ROR1: variants seen among roughly 807,000 people sequenced by gnomAD.
ROR1 encodes the protein ROR family WNT receptor 1, also known as inactive tyrosine-protein kinase transmembrane receptor ROR1.
In ROR1, 19 loss-of-function variants were observed where a neutral mutation model predicts 78.8. That is an observed-to-expected ratio of 0.24 (90% CI 0.17 to 0.35). The LOEUF (loss-of-function observed/expected upper bound fraction) is 0.35. Among genes scored for constraint, ROR1 ranks in the 10% least tolerant of loss-of-function variants. ROR1 has a pLI of 1.00. For synonymous variants in ROR1, 386 were observed against 433.6 expected (o/e 0.89, Z 1.36); for missense variants, 917 against 1,177.8 (o/e 0.78, Z 3.24).
At chr1:64,070,213 A>T (rs1414991686) in intron 4 of ROR1, among the ~76,000 whole-genome samples, 1 of 152,094 alleles carries the variant, frequency 6.6e-6, no homozygotes, top group Non-Finnish European at 1.5e-5. Flanking sequence ...CCATGTTGTG[A>T]CCTGTGTCTT....
chr1:64,175,998 T>C (rs75978935), intron 8 of ROR1, among the ~76,000 whole-genome samples: 3,153 of 152,324 alleles, frequency 0.021, 59 homozygotes, highest in Non-Finnish European at 0.031. Flanking sequence ...ATCAGTTGTA[T>C]GTAAAATGCA....
intron 4 of ROR1, among the ~76,000 whole-genome samples, chr1:64,118,242 A>G (rs1421661122): frequency 2.0e-5 from 3 of 152,186 alleles, no homozygotes; most frequent in African/African-American, 7.2e-5. Flanking sequence ...GCAAGATCCC[A>G]TTCAGTTTAT....
Position 64,049,791 on chromosome 1 carries a change from C to A in ROR1, c.264C>A (p.Thr88=). Residue 88 remains threonine, a synonymous_variant, in exon 3 of 9, where the codon ACC becomes ACA. Transcript: ENST00000371079. The stretch of plus-strand genomic sequence containing the variant: ...AAGTCTCTGGGAATCCACCTCCCAC[C>A]ATCCGCTGGTTCAAAAATGATGCTC... ...HCKVSGNPPP[T]IRWFKNDAPV... is the part of the protein sequence containing the mutation. 6.2e-7 allele frequency: 1 copy of A among 1,614,230 alleles called. No individual in the cohort carries two copies. Among genetic ancestry groups the A allele is most frequent in the African/African-American group, 1.3e-5 (1 of 75,064 alleles).
At chr1:63,851,612 C>T (rs1018070059) in intron 1 of ROR1, among the ~76,000 whole-genome samples, 1 of 152,152 alleles carries the variant, frequency 6.6e-6, no homozygotes, top group Non-Finnish European at 1.5e-5. Flanking sequence ...GGTGATTATT[C>T]CCCTCATTGC....
intron 1 of ROR1, among the ~76,000 whole-genome samples, chr1:63,791,217 G>T (rs1031143929): frequency 1.3e-5 from 2 of 152,150 alleles, no homozygotes; most frequent in African/African-American, 2.4e-5. Context: ...CTTGTGGGCA[G>T]CGTGAAAACA....
intron 7 of ROR1, among the ~76,000 whole-genome samples, chr1:64,154,860 T>C (rs972624450): frequency 1.3e-5 from 2 of 152,208 alleles, no homozygotes; most frequent in African/African-American, 4.8e-5. Context: ...TTCTCTGTAA[T>C]GCATTGGAGG....
At position 63,889,937 on chromosome 1, in the gene ROR1, T is replaced by C. The variant is rs150301036; in HGVS notation, c.91+115429T>C. ...AATAAACCATGTGAAAGTCTAGTTA[T>C]GTTTAAGATTCTAGGTGGTTGGTGT... On this transcript the variant is annotated intron_variant, in intron 1 of 8. Coordinates refer to ENST00000371079, the MANE Select transcript of ROR1 (RefSeq NM_005012.4). Among the ~76,000 whole-genome samples the C allele has an allele frequency of 1.6e-3, 250 of 152,314 alleles. 3 individuals carry two copies. The highest frequency in any genetic ancestry group is 5.8e-3 in the African/African-American group (243 of 41,578).
At chr1:63,875,900 G>A (rs987913857) in intron 1 of ROR1, among the ~76,000 whole-genome samples, 1 of 152,140 alleles carries the variant, frequency 6.6e-6, no homozygotes, top group Admixed American at 6.6e-5. Flanking sequence ...AGTGACAAAG[G>A]TTATAGTCAA....
chr1:64,073,437 G>T (rs1044335669), intron 4 of ROR1, among the ~76,000 whole-genome samples: 10 of 152,204 alleles, frequency 6.6e-5, no homozygotes, highest in Non-Finnish European at 1.2e-4. Context: ...CAGCCAGTAT[G>T]TGAAAGCATG....
At chr1:63,978,709 C>A (rs1016119917) in intron 1 of ROR1, among the ~76,000 whole-genome samples, 1 of 152,122 alleles carries the variant, frequency 6.6e-6, no homozygotes, top group Admixed American at 6.6e-5. Flanking sequence ...TAAGCATGTT[C>A]ATCACAGCAT....
chr1:64,151,839 C>T (rs1649633854), intron 7 of ROR1, among the ~76,000 whole-genome samples: 1 of 149,956 alleles, frequency 6.7e-6, no homozygotes, highest in South Asian at 2.1e-4. Flanking sequence ...GCTGAGATTG[C>T]ACCACTGCAC....
intron 1 of ROR1, among the ~76,000 whole-genome samples, chr1:63,974,441 GTGT>G (rs1342492668): frequency 1.3e-5 from 2 of 152,040 alleles, no homozygotes; most frequent in Non-Finnish European, 2.9e-5. Context: ...TCAATATGAG[GTGT>G]TTTTCATTGT....
At chr1:63,849,147 T>C (rs1645099005) in intron 1 of ROR1, among the ~76,000 whole-genome samples, 2 of 152,202 alleles carry the variant, frequency 1.3e-5, no homozygotes, top group African/African-American at 2.4e-5. Flanking sequence ...TAGTTTTCAA[T>C]GTTTTTTAAT....
At chr1:63,950,924 A>G (rs1283734776) in intron 1 of ROR1, among the ~76,000 whole-genome samples, 1 of 152,224 alleles carries the variant, frequency 6.6e-6, no homozygotes, top group African/African-American at 2.4e-5. Flanking sequence ...ACCACTCATC[A>G]TGGGAAAGGA....
At chr1:64,005,979 C>A (rs1288371424) in intron 1 of ROR1, among the ~76,000 whole-genome samples, 1 of 152,084 alleles carries the variant, frequency 6.6e-6, no homozygotes, top group Non-Finnish European at 1.5e-5. Context: ...TTTGCTACAG[C>A]CCAAGAACTG....
At chr1:64,080,771 A>G (rs1395024532) in intron 4 of ROR1, among the ~76,000 whole-genome samples, 2 of 152,186 alleles carry the variant, frequency 1.3e-5, no homozygotes, top group African/African-American at 2.4e-5. Flanking sequence ...GGTGCCCTTC[A>G]TTTGCTTTTG....
chr1:64,106,985 G>A (rs1647844514), intron 4 of ROR1: 1 of 152,566 alleles, frequency 6.6e-6, no homozygotes, highest in Non-Finnish European at 1.5e-5. Flanking sequence ...CTGCCACTGA[G>A]GAGTAGCATG....
chr1:63,781,177 A>C (rs933661744), intron 1 of ROR1, among the ~76,000 whole-genome samples: 1 of 152,226 alleles, frequency 6.6e-6, no homozygotes, highest in African/African-American at 2.4e-5. Context: ...TTATATATTT[A>C]TCACATGAAA....
At chr1:64,070,416 C>A (rs1646994022) in intron 4 of ROR1, among the ~76,000 whole-genome samples, 3 of 152,050 alleles carry the variant, frequency 2.0e-5, no homozygotes, top group Admixed American at 6.6e-5. Context: ...GCAGCCTGAC[C>A]CTCCTGGGCT....
Sources: gnomAD v4.1 joint callset for allele counts (sites outside exome capture counted in the v4.1 genomes callset) on GRCh38, gnomAD v4.1.1 for gene constraint, MANE v1.5 for transcripts, NCBI Gene and HGNC (gene_info 2026-07-23, HGNC 2026-07-21) for gene names.